ZBTB46: variants seen among roughly 807,000 people sequenced by gnomAD.
ZBTB46 encodes zinc finger and BTB domain-containing protein 46.
ZBTB46 carries 8 observed loss-of-function variants against 44.1 expected under a neutral mutation model. The observed-to-expected ratio is 0.18, with a 90% confidence interval of 0.11 to 0.33. The LOEUF is 0.33. Among genes scored for constraint, ZBTB46 ranks in the 10% least tolerant of loss-of-function variants. The probability of loss-of-function intolerance (pLI) is 1.00; values close to 1 mark genes in which losing one functional copy is unlikely to be tolerated. For synonymous variants in ZBTB46, 409 were observed against 382.3 expected (o/e 1.07, Z -0.81); for missense variants, 651 against 847.7 (o/e 0.77, Z 2.88).
intron 2 of ZBTB46, among the ~76,000 whole-genome samples, chr20:63,776,779 G>A (rs530795922): frequency 3.3e-5 from 5 of 150,986 alleles, no homozygotes; most frequent in African/African-American, 1.2e-4. Context: ...ACTCTAGCCT[G>A]GGCGACAGAA....
At chr20:63,824,314 GA>G (rs1568911035) in intron 1 of ZBTB46, among the ~76,000 whole-genome samples, 1 of 152,022 alleles carries the variant, frequency 6.6e-6, no homozygotes, top group Admixed American at 6.6e-5. Flanking sequence ...TACTTCTTTC[GA>G]AAATACCTAA....
chr20:63,744,501 G>T lies in ZBTB46; in HGVS notation c.*2429C>A, dbSNP rs1388804535. On this transcript the variant is annotated 3_prime_UTR_variant, in exon 5 of 5. Transcript: ENST00000245663. ...ACAGACACAAACAAAAATACAAAAT[G>T]TGAAATGTAATCTACACATTTTTCC... The T allele has an allele frequency of 1.3e-5, 2 of 151,954 alleles. No individual in the cohort carries two copies. Among genetic ancestry groups the T allele is most frequent in the African/African-American group, 4.8e-5 (2 of 41,308 alleles). 9.4% of individuals were successfully genotyped at this position (151,954 alleles called of 1,614,324 possible). A position where few individuals can be genotyped will look rare whatever the true frequency, so the allele number is the denominator to read the frequency against.
chr20:63,790,888 C>A (rs1029020407), intron 1 of ZBTB46, 98 bp from the exon 2 acceptor site: 3 of 1,431,086 alleles, frequency 2.1e-6, no homozygotes, highest in East Asian at 2.5e-5. Context: ...GCACAGAGTG[C>A]GGCCAGTGGG....
chr20:63,765,366 T>A (rs1448126282), intron 3 of ZBTB46, among the ~76,000 whole-genome samples: 4 of 152,194 alleles, frequency 2.6e-5, no homozygotes, highest in Non-Finnish European at 5.9e-5. Flanking sequence ...TGTTCTCTCT[T>A]CTCTCAAGGA....
intron 1 of ZBTB46, among the ~76,000 whole-genome samples, chr20:63,801,929 T>A (rs563543550): frequency 6.6e-5 from 10 of 152,306 alleles, no homozygotes; most frequent in African/African-American, 1.9e-4. Context: ...ACGTAAATTA[T>A]GCCTCAATAA....
intron 1 of ZBTB46, among the ~76,000 whole-genome samples, chr20:63,804,606 G>A (rs965606615): frequency 1.3e-5 from 2 of 152,054 alleles, no homozygotes; most frequent in Non-Finnish European, 2.9e-5. Context: ...CAAAACTACA[G>A]TACCAGGCCG....
chr20:63,827,629 A>C (rs199884764), intron 1 of ZBTB46, among the ~76,000 whole-genome samples: 3 of 120,102 alleles, frequency 2.5e-5, no homozygotes, highest in East Asian at 6.6e-4. Flanking sequence ...AAAAAAAAAC[A>C]AAAAAAAAAA....
Position 63,761,073 on chromosome 20 carries a change from G to A in ZBTB46, c.1223-8212C>T, listed in dbSNP as rs958501792. Among the ~76,000 whole-genome samples the A allele has an allele frequency of 3.6e-4, 52 of 143,242 alleles. 2 individuals are homozygous for A. Among genetic ancestry groups the A allele is most frequent in the Admixed American group, 2.2e-3 (31 of 13,894 alleles). 94.0% of individuals were successfully genotyped at this position (143,242 alleles called of 152,430 possible). A position where few individuals can be genotyped will look rare whatever the true frequency, so the allele number is the denominator to read the frequency against. On this transcript the variant is annotated intron_variant, in intron 3 of 4. Transcript: ENST00000245663. ...GTGTGTGGTGCCATGATCTCGGCTC[G>A]CTGCAACCTCCGCCTCCCAGGTTCA...
intron 3 of ZBTB46, among the ~76,000 whole-genome samples, chr20:63,771,402 G>A (rs2092370749): frequency 6.6e-6 from 1 of 152,178 alleles, no homozygotes; most frequent in African/African-American, 2.4e-5. Context: ...GAGGGAGAGA[G>A]GGGGGCCACG....
In ZBTB46 at chr20:63,743,672, G is replaced by A. The variant is rs954453909; in HGVS notation, c.*3258C>T. Reference sequence around the variant, plus strand: ...TCTGAGACGCAGGAGGCATCTGCTGGAGCAGCAATTTCCCAATTTATTGAA... The same window carrying A: ...TCTGAGACGCAGGAGGCATCTGCTGAAGCAGCAATTTCCCAATTTATTGAA... On this transcript the variant is annotated 3_prime_UTR_variant, in exon 5 of 5. Transcript: ENST00000245663. 1 of 152,374 alleles carries A rather than the reference G, an allele frequency of 6.6e-6. No homozygotes were observed. Among genetic ancestry groups the A allele is most frequent in the African/African-American group, 2.4e-5 (1 of 41,454 alleles). 9.4% of individuals were successfully genotyped at this position (152,374 alleles called of 1,614,324 possible). A position where few individuals can be genotyped will look rare whatever the true frequency, so the allele number is the denominator to read the frequency against.
rs1325422111 is a variant in ZBTB46, at chr20:63,746,930, C to T, written c.1770G>A (p.Ter590=). 41 of 1,540,678 alleles carry T rather than the reference C, an allele frequency of 2.7e-5. No individual in the cohort carries two copies. Among genetic ancestry groups the T allele is most frequent in the Non-Finnish European group, 3.5e-5 (40 of 1,146,770 alleles). Residue 590 remains the stop codon, a stop_retained_variant, in exon 5 of 5, where the codon TAG becomes TAA. Transcript: ENST00000245663. The stretch of plus-strand genomic sequence containing the variant: ...CCACCGACCCTGCCGGCGGGCGGGC[C>T]TAGGAGAGCCAGGCGAAGTCCTTGT... ...GPDKDFAWLS[*]
At chr20:63,806,018 A>G (rs79386254) in intron 1 of ZBTB46, among the ~76,000 whole-genome samples, 27,127 of 148,456 alleles carry the variant, frequency 0.18, 2,963 homozygotes, top group East Asian at 0.46. Context: ...CAGGTGCTCT[A>G]CCCGCCTCCG....
In ZBTB46 at chr20:63,775,869, C is replaced by T. The variant is rs771196096; in HGVS notation, c.1031G>A (p.Gly344Glu). 6.2e-7 allele frequency: 1 copy of T among 1,613,092 alleles called. No individual in the cohort carries two copies. The highest frequency in any genetic ancestry group is 8.5e-7 in the Non-Finnish European group (1 of 1,179,934). The change falls in exon 3 of 5, where the codon GGA becomes GAA. Residue 344 changes from glycine (G) to glutamate (E), a missense_variant. Gly to Glu is a moderately conservative substitution (Grantham distance 98). Transcript: ENST00000245663. Reference sequence around the variant, plus strand: ...GGGAGGGCCCAGATAGCTGGCTTCTCCTCCCAGGAGACCCTCCTCCACCTG... The same window carrying T: ...GGGAGGGCCCAGATAGCTGGCTTCTTCTCCCAGGAGACCCTCCTCCACCTG... ...YAQVEEGLLG[G>E]EASYLGPPLT...
chr20:63,812,039 C>G (rs1181171005), intron 1 of ZBTB46, among the ~76,000 whole-genome samples: 1 of 152,138 alleles, frequency 6.6e-6, no homozygotes, highest in Non-Finnish European at 1.5e-5. Context: ...TGCTGACCCA[C>G]CAAAGTGGCG....
intron 2 of ZBTB46, among the ~76,000 whole-genome samples, chr20:63,789,130 A>G (rs1395320065): frequency 6.6e-6 from 1 of 151,322 alleles, no homozygotes; most frequent in African/African-American, 2.4e-5. Context: ...ACTGTCTCAA[A>G]AAAAAAAAGA....
intron 1 of ZBTB46, among the ~76,000 whole-genome samples, chr20:63,802,590 CGGGCCG>C (rs2092654843): frequency 6.9e-6 from 1 of 145,902 alleles, no homozygotes; most frequent in African/African-American, 2.5e-5. Flanking sequence ...GAAACCGCGG[CGGGCCG>C]ACAACCGAAC....
At position 63,798,420 on chromosome 20, in the gene ZBTB46, A is replaced by G. The variant is rs559294843; in HGVS notation, c.-33-7630T>C. Among the ~76,000 whole-genome samples the G allele has an allele frequency of 2.0e-5, 3 of 152,118 alleles. No individual in the cohort carries two copies. The South Asian group carries it at 6.2e-4, about 32-fold the overall frequency. ...CCGCGCGTGGTGGCTCACACCTGTA[A>G]TCTCAGCACTTTGGGAGGCCGAGGT... On this transcript the variant is annotated intron_variant, in intron 1 of 4. Coordinates refer to ENST00000245663, the MANE Select transcript of ZBTB46 (RefSeq NM_001369741.1).
chr20:63,817,193 G>A (rs932468000), intron 1 of ZBTB46, among the ~76,000 whole-genome samples: 2 of 152,216 alleles, frequency 1.3e-5, no homozygotes, highest in Non-Finnish European at 2.9e-5. Context: ...GCAGAGGCAG[G>A]AGGATCGCTT....
At position 63,824,514 on chromosome 20, in the gene ZBTB46, AGCCCTGAACCAC is replaced by A. The variant is rs1409751147; in HGVS notation, c.-34+6571_-34+6582del. On this transcript the variant is annotated intron_variant, in intron 1 of 4. Coordinates refer to ENST00000245663, the MANE Select transcript of ZBTB46 (RefSeq NM_001369741.1). ...AAACTCACTTGGCGGTTGCCACAAA[AGCCCTGAACCAC>A]GCCCTTTTTCCTGAAAGCTCAGGGT... Among the ~76,000 whole-genome samples, 4 of 152,222 alleles carry A rather than the reference AGCCCTGAACCAC, an allele frequency of 2.6e-5. No homozygotes were observed. The South Asian group carries it at 8.3e-4, about 32-fold the overall frequency.
Sources: allele counts gnomAD v4.1 joint callset (sites outside exome capture counted in the v4.1 genomes callset), GRCh38; gene constraint gnomAD v4.1.1; transcripts MANE v1.5; gene names NCBI Gene and HGNC (gene_info 2026-07-23, HGNC 2026-07-21).